The following SLIT1 variants were observed in gnomAD, a reference collection of about 807,000 sequenced individuals.
SLIT1 encodes slit guidance ligand 1.
In SLIT1, 66 loss-of-function variants were observed where a neutral mutation model predicts 186.1. The observed-to-expected ratio is 0.35, with a 90% CI of 0.29 to 0.44. The LOEUF (loss-of-function observed/expected upper bound fraction) is 0.44. Ranked by LOEUF, SLIT1 falls within the 20% of genes least tolerant of loss-of-function variation. The probability of loss-of-function intolerance (pLI) is 1.00; values close to 1 mark genes in which losing one functional copy is unlikely to be tolerated. For missense variants in SLIT1, 1,638 were observed against 2,037.4 expected, an observed-to-expected ratio of 0.80 and a Z score of 3.77; for synonymous variants, 761 against 833.8, an observed-to-expected ratio of 0.91 and a Z score of 1.50.
intron 4 of SLIT1, among the ~76,000 whole-genome samples, chr10:97,125,189 T>C (rs990338331): frequency 6.6e-6 from 1 of 152,188 alleles, no homozygotes; most frequent in Non-Finnish European, 1.5e-5. Context: ...TTCTTTGACT[T>C]ACCACCTCCA....
intron 4 of SLIT1, among the ~76,000 whole-genome samples, chr10:97,152,310 G>T (rs1030810834): frequency 1.3e-5 from 2 of 152,184 alleles, no homozygotes; most frequent in Admixed American, 1.3e-4. Flanking sequence ...TGAGGGGATG[G>T]TTGTGAGTTA....
At position 97,184,331 on chromosome 10, in the gene SLIT1, G is replaced by A. The variant is rs1850382089; in HGVS notation, c.197+1147C>T. Among the ~76,000 whole-genome samples, 3 of 152,132 alleles carry A rather than the reference G, an allele frequency of 2.0e-5. No individual in the cohort carries two copies. The highest frequency in any genetic ancestry group is 2.9e-5 in the Non-Finnish European group (2 of 68,038). ...GGAGTGTGGGAAGGAGGAGTAGGTAGGTTTCAAAGGAGCCAGCAGCCTTCT... is the reference window on the plus strand; with the variant it reads ...GGAGTGTGGGAAGGAGGAGTAGGTAAGTTTCAAAGGAGCCAGCAGCCTTCT... On this transcript the variant is annotated intron_variant, in intron 1 of 36. Transcript: ENST00000266058. This position sits in a 1 kb window ranked among gnomAD's most constrained non-coding sequence, Gnocchi z 4.4.
At chr10:97,055,234 C>CA (rs1373669223) in intron 13 of SLIT1, among the ~76,000 whole-genome samples, 2 of 151,944 alleles carry the variant, frequency 1.3e-5, no homozygotes, top group African/African-American at 4.8e-5. Context: ...AAAAAACAAT[C>CA]AAAAAAATTG....
intron 31 of SLIT1, among the ~76,000 whole-genome samples, chr10:97,008,875 TTTATTTA>T (rs1258506213): frequency 6.6e-6 from 1 of 150,596 alleles, no homozygotes; most frequent in Non-Finnish European, 1.5e-5. Context: ...TATTTATTTA[TTTATTTA>T]TTATTATTAT....
chr10:97,007,502 C>A (rs1848369835), intron 31 of SLIT1, among the ~76,000 whole-genome samples: 1 of 152,004 alleles, frequency 6.6e-6, no homozygotes, highest in South Asian at 2.1e-4. Context: ...TCACAAAAAA[C>A]TACAGACCAA....
intron 4 of SLIT1, among the ~76,000 whole-genome samples, chr10:97,098,690 G>A (rs962133984): frequency 8.5e-5 from 13 of 152,198 alleles, no homozygotes; most frequent in South Asian, 2.1e-4. Flanking sequence ...GCGGATCAGC[G>A]TGGTGTCTCA....
At chr10:97,154,596 C>G (rs1377397991) in intron 4 of SLIT1, 1 of 152,204 alleles carries the variant, frequency 6.6e-6, no homozygotes, top group South Asian at 2.1e-4. Context: ...AACACCCCCC[C>G]AAAGGGCTAC....
chr10:97,009,232 T>A (rs1848391138), intron 31 of SLIT1, among the ~76,000 whole-genome samples: 1 of 152,120 alleles, frequency 6.6e-6, no homozygotes, highest in Non-Finnish European at 1.5e-5. Context: ...ACTTCCCAAT[T>A]TCAAAATATA....
chr10:97,185,458 G>A lies in SLIT1; in HGVS notation c.197+20C>T. ...GGGCAACCTCGGAGCCAGGGAGCCA[G>A]GGGCGGGGACCATACTCACAGGCGC... On this transcript the variant is annotated intron_variant, in intron 1 of 36. Coordinates refer to ENST00000266058, the MANE Select transcript of SLIT1 (RefSeq NM_003061.3). The A allele has an allele frequency of 6.2e-7, 1 of 1,607,070 alleles. No homozygotes were observed. Among genetic ancestry groups the A allele is most frequent in the Non-Finnish European group, 8.5e-7 (1 of 1,177,318 alleles).
At chr10:97,131,930 G>C (rs1262774561) in intron 4 of SLIT1, among the ~76,000 whole-genome samples, 1 of 152,194 alleles carries the variant, frequency 6.6e-6, no homozygotes, top group Non-Finnish European at 1.5e-5. Context: ...CCATGTGGCA[G>C]AGCTGGGCTT....
chr10:97,043,631 C>A lies in SLIT1; in HGVS notation c.1854-118G>T. 3 of 1,024,426 alleles carry A rather than the reference C, an allele frequency of 2.9e-6. No individual in the cohort carries two copies. Among genetic ancestry groups the A allele is most frequent in the Non-Finnish European group, 4.3e-6 (3 of 697,028 alleles). The allele number at this position is 1,024,426 out of a possible 1,614,324, so 63.5% of individuals were successfully genotyped here. A position where few individuals can be genotyped will look rare whatever the true frequency, so the allele number is the denominator to read the frequency against. On this transcript the variant is annotated intron_variant, in intron 18 of 36. Transcript: ENST00000266058. This position sits in a 1 kb window ranked among gnomAD's most constrained non-coding sequence, Gnocchi z 7.0. The stretch of plus-strand genomic sequence containing the variant: ...CAGTTCTCCTCCATAGGCTGCGAGC[C>A]GCAGAGCCAGGAACACGCACCAGCC...
rs1440009468 is a variant in SLIT1, at chr10:97,022,019, G to A, written c.2583-606C>T. Among the ~76,000 whole-genome samples the A allele has an allele frequency of 6.6e-6, 1 of 152,250 alleles. No individual in the cohort carries two copies. The highest frequency in any genetic ancestry group is 1.5e-5 in the Non-Finnish European group (1 of 68,048). On this transcript the variant is annotated intron_variant, in intron 25 of 36. Transcript: ENST00000266058. The surrounding 1 kb of genome is among the most constrained non-coding windows in gnomAD (Gnocchi z 4.2). ...AACGGGAAGCTGTTGGGGCCATGCT[G>A]TTGGGGCCAGAGCCTACGAATGCAC...
chr10:97,104,696 A>G (rs1315693305), intron 4 of SLIT1, among the ~76,000 whole-genome samples: 1 of 151,642 alleles, frequency 6.6e-6, no homozygotes, highest in Non-Finnish European at 1.5e-5. Context: ...CCCTGAATCC[A>G]CACATCTTCC....
At chr10:97,112,074 T>TA (rs1465019527) in intron 4 of SLIT1, among the ~76,000 whole-genome samples, 3 of 152,158 alleles carry the variant, frequency 2.0e-5, no homozygotes, top group Non-Finnish European at 2.9e-5. Context: ...TTCTCAAACT[T>TA]ATCACGTTCC....
At chr10:97,095,153 G>A (rs1304666479) in intron 4 of SLIT1, among the ~76,000 whole-genome samples, 2 of 152,144 alleles carry the variant, frequency 1.3e-5, no homozygotes, top group African/African-American at 4.8e-5. Flanking sequence ...CATGGTAGTG[G>A]GCACCTGTAG....
At chr10:97,058,818 G>C (rs1457438659) in intron 11 of SLIT1, among the ~76,000 whole-genome samples, 1 of 152,256 alleles carries the variant, frequency 6.6e-6, no homozygotes. Flanking sequence ...CACCCTGAGT[G>C]TGCTCTCTGT....
At chr10:97,094,080 T>C (rs1849261049) in intron 4 of SLIT1, among the ~76,000 whole-genome samples, 1 of 152,236 alleles carries the variant, frequency 6.6e-6, no homozygotes, top group Admixed American at 6.5e-5. Flanking sequence ...AAGACTGTCA[T>C]TCACCTTCTG....
intron 4 of SLIT1, among the ~76,000 whole-genome samples, chr10:97,076,425 C>T (rs1199914643): frequency 2.6e-5 from 4 of 152,314 alleles, no homozygotes; most frequent in African/African-American, 9.6e-5. Context: ...TGGGATCTCG[C>T]TGGACCATCC....
At chr10:97,018,861 AG>A (rs1185206818) in intron 27 of SLIT1, 121 bp downstream of exon 27, 2 of 652,698 alleles carry the variant, frequency 3.1e-6, no homozygotes, top group Non-Finnish European at 5.4e-6. Context: ...TCATATGTTA[AG>A]TCATTAATTA....
Sources: gnomAD v4.1 joint callset for allele counts (sites outside exome capture counted in the v4.1 genomes callset) on GRCh38, gnomAD v4.1.1 for gene constraint, Gnocchi (gnomAD v3.1) non-coding constraint, MANE v1.5 for transcripts, NCBI Gene and HGNC (gene_info 2026-07-23, HGNC 2026-07-21) for gene names.